NPEPPS: variants seen among roughly 807,000 people sequenced by gnomAD.
NPEPPS encodes the protein aminopeptidase puromycin sensitive, also known as puromycin-sensitive aminopeptidase.
In NPEPPS, 14 loss-of-function variants were observed where a neutral mutation model predicts 115.5. The observed-to-expected ratio is 0.12, with a 90% confidence interval of 0.08 to 0.19. The LOEUF is 0.19. Ranked by LOEUF, NPEPPS falls within the 10% of genes least tolerant of loss-of-function variation. The probability of loss-of-function intolerance (pLI) is 1.00; values close to 1 mark genes in which losing one functional copy is unlikely to be tolerated. For synonymous variants in NPEPPS, 285 were observed against 390.6 expected, an observed-to-expected ratio of 0.73 and a Z score of 3.19; for missense variants, 523 against 1,110.8, an observed-to-expected ratio of 0.47 and a Z score of 7.52.
At chr17:47,585,119 G>A (rs1912108055) in intron 5 of NPEPPS, among the ~76,000 whole-genome samples, 1 of 152,162 alleles carries the variant, frequency 6.6e-6, no homozygotes, top group African/African-American at 2.4e-5. Context: ...GAGCCACCGC[G>A]CCTAGCCCCT....
rs10646632 is a variant in NPEPPS at position 47,575,580 on chromosome 17, A to AATTATTATTATTATT, written c.419-3785_419-3771dup. On this transcript the variant is annotated intron_variant, in intron 3 of 22. Transcript: ENST00000322157. ...TTATCTTGCAGGTGTGACAATATTG[A>AATTATTATTATTATT]ATTATTATTATTATTATTATTATTA... 6.5e-3 allele frequency among the ~76,000 whole-genome samples: 933 copies of AATTATTATTATTATT among 144,080 alleles called. 8 individuals are homozygous for AATTATTATTATTATT. The highest frequency in any genetic ancestry group is 0.016 in the South Asian group (72 of 4,528). The allele number at this position is 144,080 out of a possible 152,430, so 94.5% of individuals were successfully genotyped here.
At chr17:47,526,020 G>A (rs1021564586) in intron 1 of NPEPPS, among the ~76,000 whole-genome samples, 17 of 152,128 alleles carry the variant, frequency 1.1e-4, no homozygotes, top group Non-Finnish European at 2.1e-4. Flanking sequence ...AGATCAGCCT[G>A]ACCAACATGG....
rs370388307 is a variant in NPEPPS, at chr17:47,547,120, A to C, written c.340+1127A>C. Among the ~76,000 whole-genome samples, 409 of 152,352 alleles carry C rather than the reference A, an allele frequency of 2.7e-3. 2 individuals carry two copies. Among genetic ancestry groups the C allele is most frequent in the Middle Eastern group, 0.017 (5 of 294 alleles). The stretch of plus-strand genomic sequence containing the variant: ...GAGACAATATGAAGATTAGAAGCTA[A>C]ATAATGGAGTTAGTTACAGGGGAAG... On this transcript the variant is annotated intron_variant, in intron 2 of 22. Transcript: ENST00000322157.
At chr17:47,616,729 G>T (rs1007048176) in intron 19 of NPEPPS, among the ~76,000 whole-genome samples, 1 of 147,836 alleles carries the variant, frequency 6.8e-6, no homozygotes, top group African/African-American at 2.5e-5. Context: ...TGGTTGTAGT[G>T]AGCTGAGGTA....
chr17:47,593,010 A>G (rs1420028054), intron 12 of NPEPPS, among the ~76,000 whole-genome samples: 2 of 152,204 alleles, frequency 1.3e-5, no homozygotes, highest in East Asian at 3.8e-4. Context: ...TTGAGTGCCA[A>G]CATGATGCTC....
At chr17:47,553,132 C>T (rs957976306) in intron 2 of NPEPPS, among the ~76,000 whole-genome samples, 7 of 151,928 alleles carry the variant, frequency 4.6e-5, no homozygotes, top group Admixed American at 6.6e-5. Flanking sequence ...TTTGGGAGGC[C>T]GAGGCGGGCG....
intron 2 of NPEPPS, among the ~76,000 whole-genome samples, chr17:47,546,669 G>A (rs961921635): frequency 6.6e-6 from 1 of 151,910 alleles, no homozygotes; most frequent in Non-Finnish European, 1.5e-5. Flanking sequence ...CCTCCTGAGT[G>A]GCTGAGATTA....
chr17:47,574,325 G>C (rs1428035104), intron 3 of NPEPPS, among the ~76,000 whole-genome samples: 1 of 151,806 alleles, frequency 6.6e-6, no homozygotes, highest in African/African-American at 2.4e-5. Context: ...TATAAACCTA[G>C]CCAGTATAGA....
intron 18 of NPEPPS, among the ~76,000 whole-genome samples, chr17:47,613,268 T>A (rs1403401014): frequency 7.1e-6 from 1 of 139,938 alleles, no homozygotes; most frequent in East Asian, 2.0e-4. Flanking sequence ...TTTTTTTTTT[T>A]TTTTTTTTTT....
intron 19 of NPEPPS, among the ~76,000 whole-genome samples, chr17:47,615,601 T>G (rs914810533): frequency 2.0e-5 from 3 of 152,182 alleles, no homozygotes; most frequent in Non-Finnish European, 2.9e-5. Flanking sequence ...ACTTTCCACC[T>G]GAACATTAAG....
At chr17:47,585,297 C>G (rs1912117716) in intron 5 of NPEPPS, among the ~76,000 whole-genome samples, 1 of 152,090 alleles carries the variant, frequency 6.6e-6, no homozygotes, top group African/African-American at 2.4e-5. Flanking sequence ...CAGCCTCCAG[C>G]TTCTTAGTAT....
intron 3 of NPEPPS, among the ~76,000 whole-genome samples, chr17:47,574,151 A>G (rs1316741833): frequency 2.0e-5 from 3 of 152,128 alleles, no homozygotes; most frequent in African/African-American, 7.2e-5. Context: ...ATATTTAGTT[A>G]AGAAGAAAGA....
chr17:47,526,126 C>T (rs1202116510), upstream of NPEPPS, among the ~76,000 whole-genome samples: 1 of 152,082 alleles, frequency 6.6e-6, no homozygotes, highest in African/African-American at 2.4e-5. Flanking sequence ...GCAGGAGAAT[C>T]GCTTGAACCT....
Position 47,605,525 on chromosome 17 carries a change from C to T in NPEPPS, c.2068C>T (p.Leu690=), listed in dbSNP as rs1913461724. 1 of 1,595,296 alleles carries T rather than the reference C, an allele frequency of 6.3e-7. No individual in the cohort carries two copies. Among genetic ancestry groups the T allele is most frequent in the African/African-American group, 1.3e-5 (1 of 74,654 alleles). ...TGTCTTTTCACCTATAGGGGAGAGA[C>T]TGGGCTGGGACCCCAAACCTGGAGA... is the stretch of plus-strand genomic sequence containing the variant. ...KDVFSPIGER[L]GWDPKPGEGH... is the part of the protein sequence containing the mutation. Residue 690 remains leucine (L), a synonymous_variant, in exon 17 of 23, where the codon CTG becomes TTG. Coordinates refer to ENST00000322157, the MANE Select transcript of NPEPPS (RefSeq NM_006310.4).
At chr17:47,556,723 C>T (rs1450786961) in intron 2 of NPEPPS, among the ~76,000 whole-genome samples, 1 of 152,162 alleles carries the variant, frequency 6.6e-6, no homozygotes, top group Non-Finnish European at 1.5e-5. Context: ...CCCCCGCCTC[C>T]CTCCGGGACG....
At chr17:47,618,200 TTC>T (rs1369100212) in intron 19 of NPEPPS, 148 bp from the exon 20 acceptor site, 2 of 585,044 alleles carry the variant, frequency 3.4e-6, no homozygotes, top group African/African-American at 3.8e-5. Context: ...TTGAAAAGTA[TTC>T]TCTTTCTTTA....
intron 12 of NPEPPS, among the ~76,000 whole-genome samples, chr17:47,594,591 T>TTTATGTTATGTTATG (rs71141919): frequency 0.021 from 2,948 of 138,268 alleles, 55 homozygotes; most frequent in South Asian, 0.034. Context: ...TGTATTTTAT[T>TTTATGTTATGTTATG]TTATGTTATG....
intron 12 of NPEPPS, 135 bp from the exon 13 acceptor site, chr17:47,596,218 A>C: frequency 1.8e-6 from 1 of 563,530 alleles, no homozygotes; most frequent in South Asian, 2.5e-5. Context: ...GGGGAATGTT[A>C]ATTTGGCTCA....
In NPEPPS at chr17:47,563,578, CT is replaced by C. The variant is rs954845089; in HGVS notation, c.341-5828del. Reference sequence around the variant, plus strand: ...TGTGTTATGATCTAGAAAAGTGTTTCTTTTTTTTTTTAGATGGAGTCTTGCT... The same window carrying C: ...TGTGTTATGATCTAGAAAAGTGTTTCTTTTTTTTTTAGATGGAGTCTTGCT... On this transcript the variant is annotated intron_variant, in intron 2 of 22. Coordinates refer to ENST00000322157, the MANE Select transcript of NPEPPS (RefSeq NM_006310.4). Among the ~76,000 whole-genome samples the C allele has an allele frequency of 1.9e-3, 274 of 144,492 alleles. 1 individual carries two copies. Among genetic ancestry groups the C allele is most frequent in the African/African-American group, 4.6e-3 (184 of 39,710 alleles). The allele number at this position is 144,492 out of a possible 152,430, so 94.8% of individuals were successfully genotyped here.
Sources: allele counts gnomAD v4.1 joint callset (sites outside exome capture counted in the v4.1 genomes callset), GRCh38; gene constraint gnomAD v4.1.1; transcripts MANE v1.5; gene names NCBI Gene and HGNC (gene_info 2026-07-23, HGNC 2026-07-21).